CFLAR: variants seen among roughly 807,000 people sequenced by gnomAD.
CFLAR encodes CASP8 and FADD-like apoptosis regulator.
CFLAR carries 14 observed loss-of-function variants against 51.1 expected under a neutral mutation model. The observed-to-expected ratio is 0.27, with a 90% CI of 0.18 to 0.43. The LOEUF (loss-of-function observed/expected upper bound fraction) is 0.43, where lower values mean the gene tolerates loss of function less well. Ranked by LOEUF, CFLAR falls within the 20% of genes least tolerant of loss-of-function variation. The pLI, the probability that CFLAR is intolerant of heterozygous loss-of-function variation, is 1.00. For missense variants in CFLAR, 390 were observed against 566.5 expected (o/e 0.69, Z 3.16); for synonymous variants, 210 against 211.6 (o/e 0.99, Z 0.06).
At chr2:201,130,398 G>A (rs2125668301) in intron 2 of CFLAR, among the ~76,000 whole-genome samples, 1 of 110,686 alleles carries the variant, frequency 9.0e-6, no homozygotes, top group African/African-American at 3.7e-5. Flanking sequence ...GTCTCACCCT[G>A]TTGCCCAGGC....
chr2:201,159,088 G>A (rs1016764596), intron 8 of CFLAR, among the ~76,000 whole-genome samples: 1 of 151,698 alleles, frequency 6.6e-6, no homozygotes, highest in Non-Finnish European at 1.5e-5. Context: ...ATATTGGCCA[G>A]ACTGGTCTCG....
Position 201,165,810 on chromosome 2 carries a change from C to T in CFLAR, c.*1837C>T, listed in dbSNP as rs561280185. ...TAAGGAGCATGCTGCCTTCAAGCAT[C>T]TGTTTAACAAAGCACATCTTGCACT... On this transcript the variant is annotated 3_prime_UTR_variant, in exon 10 of 10. Coordinates refer to ENST00000309955, the MANE Select transcript of CFLAR (RefSeq NM_003879.7). 2.1e-3 allele frequency: 348 copies of T among 162,318 alleles called. 1 individual carries two copies. Among genetic ancestry groups the T allele is most frequent in the African/African-American group, 7.7e-3 (320 of 41,630 alleles). The allele number at this position is 162,318 out of a possible 1,614,324, so 10.1% of individuals were successfully genotyped here. A position where few individuals can be genotyped will look rare whatever the true frequency, so the allele number is the denominator to read the frequency against.
chr2:201,123,441 G>A (rs1233632668), intron 1 of CFLAR, among the ~76,000 whole-genome samples: 1 of 152,186 alleles, frequency 6.6e-6, no homozygotes, highest in African/African-American at 2.4e-5. Context: ...TTCCAATCTG[G>A]TGCCTTGAAC....
At position 201,136,064 on chromosome 2, in the gene CFLAR, C is replaced by T; in HGVS notation, c.480C>T (p.His160=). The T allele has an allele frequency of 1.2e-6, 2 of 1,614,006 alleles. No homozygotes were observed. Among genetic ancestry groups the T allele is most frequent in the Non-Finnish European group, 1.7e-6 (2 of 1,180,026 alleles). ...TAGAAAAATGCCTAAAGAACATCCA[C>T]AGAATAGACCTGAAGACAAAAATCC... The part of the protein sequence containing the change: ...DLLEKCLKNI[H]RIDLKTKIQK... The change falls in exon 4 of 10, where the codon CAC becomes CAT. Residue 160 remains histidine, a synonymous_variant. Transcript: ENST00000309955.
rs2125993558 is a variant in CFLAR at position 201,173,060 on chromosome 2, C to T, written c.*9087C>T. ...TATTTTTTTGTTTTTGAGACGGAGT[C>T]TCACTCTGTCGCCCAGGGTGGAGTG... On this transcript the variant is annotated 3_prime_UTR_variant, in exon 10 of 10. Coordinates refer to ENST00000309955, the MANE Select transcript of CFLAR (RefSeq NM_003879.7). 6.6e-6 allele frequency: 1 copy of T among 152,342 alleles called. No homozygotes were observed. Among genetic ancestry groups the T allele is most frequent in the African/African-American group, 2.4e-5 (1 of 41,554 alleles). The allele number at this position is 152,342 out of a possible 1,614,324, so 9.4% of individuals were successfully genotyped here.
chr2:201,145,257 G>A, intron 5 of CFLAR, 121 bp from the exon 6 acceptor site: 1 of 603,374 alleles, frequency 1.7e-6, no homozygotes, highest in Non-Finnish European at 3.0e-6. Context: ...TAACTGTTGG[G>A]ACGATATTTT....
chr2:201,161,382 T>C (rs1470826239), intron 9 of CFLAR, among the ~76,000 whole-genome samples: 1 of 151,694 alleles, frequency 6.6e-6, no homozygotes, highest in East Asian at 1.9e-4. Flanking sequence ...AATAAACAAA[T>C]AAATAAATAC....
chr2:201,162,854 T>A lies in CFLAR; in HGVS notation c.1305-981T>A, dbSNP rs889873404. On this transcript the variant is annotated intron_variant, in intron 9 of 9. Coordinates refer to ENST00000309955, the MANE Select transcript of CFLAR (RefSeq NM_003879.7). The stretch of plus-strand genomic sequence containing the variant: ...ACATTTCTACAGCATCAGTTTAATG[T>A]ATGCACAATAGCCCATAATATGGCC... The A allele has an allele frequency of 1.1e-5, 6 of 567,256 alleles. No individual in the cohort carries two copies. The Admixed American group carries it at 1.7e-4, about 16-fold the overall frequency. 35.1% of individuals were successfully genotyped at this position (567,256 alleles called of 1,614,324 possible). A position where few individuals can be genotyped will look rare whatever the true frequency, so the allele number is the denominator to read the frequency against.
At chr2:201,125,902 A>C (rs1342104713) in intron 1 of CFLAR, among the ~76,000 whole-genome samples, 3 of 152,022 alleles carry the variant, frequency 2.0e-5, no homozygotes, top group Non-Finnish European at 4.4e-5. Context: ...GGAGCGATCA[A>C]CCATCCCTGT....
At chr2:201,143,428 T>G (rs1939417470) in intron 5 of CFLAR, 1 of 151,670 alleles carries the variant, frequency 6.6e-6, no homozygotes, top group African/African-American at 2.4e-5. Context: ...GCCGAGATTG[T>G]GCCATTGCAC....
chr2:201,159,412 C>T (rs1210439344), intron 8 of CFLAR, among the ~76,000 whole-genome samples: 8 of 151,986 alleles, frequency 5.3e-5, no homozygotes, highest in Admixed American at 3.3e-4. Flanking sequence ...TGGGTTCAAG[C>T]GATTCTCCTG....
intron 4 of CFLAR, chr2:201,136,651 C>CTTTGTTA: frequency 7.6e-7 from 1 of 1,310,280 alleles, no homozygotes; most frequent in Non-Finnish European, 1.0e-6. Context: ...TCAGCTTGGG[C>CTTTGTTA]TTTGTTAGCA....
rs904923599 is a variant in CFLAR, at chr2:201,166,842, A to T, written c.*2869A>T. ...ACCAGTCAGGCGTGGCGGCGCCCGC[A>T]ATGGCAGGCACGCGGCAGGCCGAGG... On this transcript the variant is annotated 3_prime_UTR_variant, in exon 10 of 10. Coordinates refer to ENST00000309955, the MANE Select transcript of CFLAR (RefSeq NM_003879.7). The T allele has an allele frequency of 1.9e-5, 3 of 156,950 alleles. No homozygotes were observed. Among genetic ancestry groups the T allele is most frequent in the African/African-American group, 7.2e-5 (3 of 41,538 alleles). The allele number at this position is 156,950 out of a possible 1,614,324, so 9.7% of individuals were successfully genotyped here.
rs1943746779 is a variant in CFLAR at position 201,167,947 on chromosome 2, A to C, written c.*3974A>C. On this transcript the variant is annotated 3_prime_UTR_variant, in exon 10 of 10. Coordinates refer to ENST00000309955, the MANE Select transcript of CFLAR (RefSeq NM_003879.7). ...AACCCAAGTGATGCATTGTTATGAG[A>C]TTAAAATGTTTGGAGGCCGGGTGCG... is the stretch of plus-strand genomic sequence containing the variant. The C allele has an allele frequency of 6.6e-6, 1 of 152,250 alleles. No individual in the cohort carries two copies. Among genetic ancestry groups the C allele is most frequent in the Non-Finnish European group, 1.5e-5 (1 of 68,058 alleles). 9.4% of individuals were successfully genotyped at this position (152,250 alleles called of 1,614,324 possible).
In CFLAR at chr2:201,168,001, T is replaced by G. The variant is rs1943753014; in HGVS notation, c.*4028T>G. On this transcript the variant is annotated 3_prime_UTR_variant, in exon 10 of 10. Coordinates refer to ENST00000309955, the MANE Select transcript of CFLAR (RefSeq NM_003879.7). ...GCTCACGCCTATAATCCCAGCCCTT[T>G]GGGAGGCCAAGGCGGGCGGATCACG... 1 of 152,324 alleles carries G rather than the reference T, an allele frequency of 6.6e-6. No individual in the cohort carries two copies. Among genetic ancestry groups the G allele is most frequent in the African/African-American group, 2.4e-5 (1 of 41,474 alleles). The allele number at this position is 152,324 out of a possible 1,614,324, so 9.4% of individuals were successfully genotyped here.
In CFLAR at chr2:201,175,372, C is replaced by G. The variant is rs144567848; in HGVS notation, c.*11399C>G. On this transcript the variant is annotated 3_prime_UTR_variant, in exon 10 of 10. Transcript: ENST00000309955. The stretch of plus-strand genomic sequence containing the variant: ...GGCGCAGTGGCTCATGCCTGTAATC[C>G]CAGGACTTTGGGAGGCTGAGGATGG... 4.7e-3 allele frequency: 722 copies of G among 152,364 alleles called. 8 individuals carry two copies. Among genetic ancestry groups the G allele is most frequent in the African/African-American group, 0.017 (689 of 41,524 alleles). The allele number at this position is 152,364 out of a possible 1,614,324, so 9.4% of individuals were successfully genotyped here.
rs1031236323 is a variant in CFLAR at position 201,138,850 on chromosome 2, TG to T, written c.524-1502del. The T allele has an allele frequency of 2.7e-6, 2 of 730,204 alleles. No individual in the cohort carries two copies. The allele number at this position is 730,204 out of a possible 1,614,324, so 45.2% of individuals were successfully genotyped here. On this transcript the variant is annotated intron_variant, in intron 4 of 9. Transcript: ENST00000309955. The surrounding 1 kb of genome is among the most constrained non-coding windows in gnomAD (Gnocchi z 4.0). ...AGGTCGGCCTCTGTCACAGTGTCCATGGGGGAGGAGATCAGCGGCGTCTTCA... is the reference window on the plus strand; with the variant it reads ...AGGTCGGCCTCTGTCACAGTGTCCATGGGGAGGAGATCAGCGGCGTCTTCA...
At chr2:201,141,708 T>A in intron 5 of CFLAR, 1 of 574,622 alleles carries the variant, frequency 1.7e-6, no homozygotes, top group Non-Finnish European at 2.4e-6. Flanking sequence ...CATAAGTGTA[T>A]CATATAGTCA....
chr2:201,136,435 T>C (rs1459885833), intron 4 of CFLAR: 1 of 1,598,316 alleles, frequency 6.3e-7, no homozygotes, highest in African/African-American at 1.3e-5. Context: ...TGAACCCTAC[T>C]GCCTTGCTCT....
Sources: gnomAD v4.1 joint callset for allele counts (sites outside exome capture counted in the v4.1 genomes callset) on GRCh38, gnomAD v4.1.1 for gene constraint, Gnocchi (gnomAD v3.1) non-coding constraint, MANE v1.5 for transcripts, NCBI Gene and HGNC (gene_info 2026-07-23, HGNC 2026-07-21) for gene names.